Variants in ZFHX3 observed in about 807,000 individuals in gnomAD.
ZFHX3 encodes zinc finger homeobox 3, also known as zinc finger homeobox protein 3.
A neutral mutation model predicts 279.1 loss-of-function variants in ZFHX3; 42 were observed. The ratio of observed to expected loss-of-function variants is 0.15; its 90% CI spans 0.12 to 0.19. ZFHX3 has a LOEUF of 0.19. ZFHX3 is among the 10% of genes least tolerant of loss of function. ZFHX3 has a pLI of 1.00. For missense variants in ZFHX3, 4,981 were observed against 4,754.0 expected (o/e 1.05, Z -1.40); for synonymous variants, 2,293 against 1,957.8 (o/e 1.17, Z -4.52).
intron 4 of ZFHX3, among the ~76,000 whole-genome samples, chr16:72,873,699 A>C (rs1243985432): frequency 6.6e-6 from 1 of 152,214 alleles, no homozygotes; most frequent in Non-Finnish European, 1.5e-5. Context: ...AAACAGAGAA[A>C]GTATGAAGAC....
chr16:73,677,240 G>A (rs2052964334), intron 2 of ZFHX3, among the ~76,000 whole-genome samples: 1 of 150,332 alleles, frequency 6.7e-6, no homozygotes, highest in Non-Finnish European at 1.5e-5. Flanking sequence ...ATAACATGAT[G>A]TCATAAAATC....
chr16:73,698,733 C>T (rs1218272904), intron 1 of ZFHX3, among the ~76,000 whole-genome samples: 2 of 152,074 alleles, frequency 1.3e-5, no homozygotes, highest in Non-Finnish European at 2.9e-5. Flanking sequence ...AAGTTAAGGC[C>T]TGAGGAAATG....
At chr16:73,123,198 TG>T (rs999619789) in intron 7 of ZFHX3, 16 of 105,054 alleles carry the variant, frequency 1.5e-4, no homozygotes, top group African/African-American at 4.0e-4. Flanking sequence ...GTGTCCCATG[TG>T]GTAGATTAAA....
chr16:73,120,680 A>G (rs1252247981), intron 7 of ZFHX3, among the ~76,000 whole-genome samples: 3 of 123,448 alleles, frequency 2.4e-5, no homozygotes, highest in Non-Finnish European at 5.1e-5. Flanking sequence ...TTTGAGACAG[A>G]ATCTCGCTCT....
chr16:73,843,667 T>C (rs1337947890), intron 1 of ZFHX3, among the ~76,000 whole-genome samples: 2 of 152,214 alleles, frequency 1.3e-5, no homozygotes, highest in African/African-American at 4.8e-5. Flanking sequence ...AATCCCCGCT[T>C]CTCACAGCAA....
At chr16:73,004,996 A>G (rs1963653535) in intron 1 of ZFHX3, among the ~76,000 whole-genome samples, 1 of 152,226 alleles carries the variant, frequency 6.6e-6, no homozygotes, top group Non-Finnish European at 1.5e-5. Flanking sequence ...CATTTATTGC[A>G]TAATTTTATA....
At chr16:73,309,090 TA>T (rs2015263017) in intron 4 of ZFHX3, among the ~76,000 whole-genome samples, 1 of 152,174 alleles carries the variant, frequency 6.6e-6, no homozygotes, top group Admixed American at 6.5e-5. Flanking sequence ...TTTAATCTTT[TA>T]TTTTAGGTCC....
intron 2 of ZFHX3, among the ~76,000 whole-genome samples, chr16:73,657,204 C>G (rs1167912909): frequency 3.3e-5 from 5 of 152,158 alleles, no homozygotes; most frequent in Admixed American, 2.6e-4. Flanking sequence ...CGCCTGTAAT[C>G]CCAGCACTTT....
intron 3 of ZFHX3, among the ~76,000 whole-genome samples, chr16:73,441,206 G>C (rs2018087096): frequency 6.6e-6 from 1 of 152,084 alleles, no homozygotes; most frequent in Non-Finnish European, 1.5e-5. Context: ...AGCAGGATAA[G>C]GCCCACTGCT....
rs757659413 is a variant in ZFHX3, at chr16:72,959,847, G to C, written c.299C>G (p.Pro100Arg). The change falls in exon 2 of 10, where the codon CCC becomes CGC. Residue 100 changes from proline (P) to arginine (R), a missense_variant. Physicochemically the swap from Pro to Arg is moderately radical, Grantham distance 103 (BLOSUM62 -2). Coordinates refer to ENST00000268489, the MANE Select transcript of ZFHX3 (RefSeq NM_006885.4). ...CAGGGGTGGCGGGGGGCGCGCGCTGGGGCAGTGGTGCTCCATGTAGGTCTG... is the reference window on the plus strand; with the variant it reads ...CAGGGGTGGCGGGGGGCGCGCGCTGCGGCAGTGGTGCTCCATGTAGGTCTG... ...SLQTYMEHHC[P>R]SARPPPPLRE... 1 of 1,598,394 alleles carries C rather than the reference G, an allele frequency of 6.3e-7. No individual in the cohort carries two copies. Among genetic ancestry groups the C allele is most frequent in the Non-Finnish European group, 8.5e-7 (1 of 1,170,598 alleles).
upstream of ZFHX3, chr16:73,059,743 A>T (rs1965657553): frequency 6.6e-6 from 1 of 152,160 alleles, no homozygotes; most frequent in African/African-American, 2.4e-5. Context: ...CCTCCCCCCA[A>T]ATCAGAGGAC....
At chr16:73,782,917 A>G (rs1451817784) in intron 1 of ZFHX3, among the ~76,000 whole-genome samples, 2 of 152,232 alleles carry the variant, frequency 1.3e-5, no homozygotes, top group Non-Finnish European at 2.9e-5. Context: ...TTGTTACCAC[A>G]GCACAACCTA....
chr16:73,878,770 T>C (rs115620609), intron 1 of ZFHX3, among the ~76,000 whole-genome samples: 317 of 151,522 alleles, frequency 2.1e-3, no homozygotes, highest in African/African-American at 7.3e-3. Flanking sequence ...GAAAAAAAAA[T>C]TAAGTCTTAT....
At chr16:73,585,409 C>T (rs2051914857) in intron 2 of ZFHX3, among the ~76,000 whole-genome samples, 1 of 152,020 alleles carries the variant, frequency 6.6e-6, no homozygotes, top group Non-Finnish European at 1.5e-5. Flanking sequence ...AGCGAGACAC[C>T]ATCTCAAAAA....
chr16:73,557,690 G>A (rs12373033), intron 2 of ZFHX3, among the ~76,000 whole-genome samples: 14,463 of 151,938 alleles, frequency 0.095, 934 homozygotes, highest in Admixed American at 0.16. Flanking sequence ...GGTTTTGGCC[G>A]GCTTCTTTAC....
chr16:72,950,553 G>A lies in ZFHX3; in HGVS notation c.3132C>T (p.Ala1044=). The A allele has an allele frequency of 1.2e-6, 2 of 1,614,256 alleles. No individual in the cohort carries two copies. The highest frequency in any genetic ancestry group is 2.2e-5 in the East Asian group (1 of 44,882). ...CCAGGCTGTTGGTGTAGTAGTCACA[G>A]GCGTTGCACTTGAGGTGCACGGGGT... ...IGNPVHLKCN[A]CDYYTNSLEK... Residue 1044 remains alanine (A), a synonymous_variant, in exon 3 of 10, where the codon GCC becomes GCT. Coordinates refer to ENST00000268489, the MANE Select transcript of ZFHX3 (RefSeq NM_006885.4).
At chr16:73,750,568 T>C (rs914583798) in intron 1 of ZFHX3, among the ~76,000 whole-genome samples, 2 of 152,098 alleles carry the variant, frequency 1.3e-5, no homozygotes, top group African/African-American at 4.8e-5. Flanking sequence ...GAATAAACTT[T>C]AAGAGGGAAT....
rs376997547 is a variant in ZFHX3 at position 73,831,793 on chromosome 16, G to A, written c.-1608+59858C>T. ...ATGGGCAAGGGAAGGGGCGGAGGAA[G>A]TTCACCTATTGTGGCCGTCCTTCAG... On this transcript the variant is annotated intron_variant, in intron 1 of 17. Transcript: ENST00000641206. Among the ~76,000 whole-genome samples the A allele has an allele frequency of 1.3e-4, 20 of 152,358 alleles. 1 individual carries two copies. The highest frequency in any genetic ancestry group is 7.7e-4 in the East Asian group (4 of 5,182).
At chr16:73,116,450 T>C (rs1966434473) in intron 7 of ZFHX3, among the ~76,000 whole-genome samples, 1 of 152,176 alleles carries the variant, frequency 6.6e-6, no homozygotes, top group Non-Finnish European at 1.5e-5. Flanking sequence ...CATTGTGGAA[T>C]CGCAAGTGGA....
Sources: allele counts gnomAD v4.1 joint callset (sites outside exome capture counted in the v4.1 genomes callset), GRCh38; gene constraint gnomAD v4.1.1; transcripts MANE v1.5; gene names NCBI Gene and HGNC (gene_info 2026-07-23, HGNC 2026-07-21).